Variants in ZFHX3 observed in about 807,000 individuals in gnomAD.
ZFHX3 encodes the protein zinc finger homeobox protein 3.
A neutral mutation model predicts 279.1 loss-of-function variants in ZFHX3; 42 were observed. The ratio of observed to expected loss-of-function variants is 0.15; its 90% CI spans 0.12 to 0.19. The LOEUF is 0.19. Ranked by LOEUF, ZFHX3 falls within the 10% of genes least tolerant of loss-of-function variation. ZFHX3 has a pLI of 1.00. For synonymous variants in ZFHX3, 2,293 were observed against 1,957.8 expected, an observed-to-expected ratio of 1.17 and a Z score of -4.52; for missense variants, 4,981 against 4,754.0, an observed-to-expected ratio of 1.05 and a Z score of -1.40.
At chr16:73,495,408 G>A (rs2019126048) in intron 2 of ZFHX3, among the ~76,000 whole-genome samples, 1 of 152,146 alleles carries the variant, frequency 6.6e-6, no homozygotes, top group Non-Finnish European at 1.5e-5. Context: ...AGAAATTGGT[G>A]CACATGAAAT....
chr16:73,199,985 C>T (rs761110734), intron 5 of ZFHX3, among the ~76,000 whole-genome samples: 30 of 152,150 alleles, frequency 2.0e-4, no homozygotes, highest in Admixed American at 3.9e-4. Context: ...TTAATCACCA[C>T]ACTAGTCAAT....
intron 1 of ZFHX3, among the ~76,000 whole-genome samples, chr16:72,960,796 G>A (rs1961541677): frequency 6.6e-6 from 1 of 152,108 alleles, no homozygotes. Flanking sequence ...AGGCGGGTGA[G>A]GACCCTGAGG....
intron 4 of ZFHX3, among the ~76,000 whole-genome samples, chr16:73,286,357 T>C (rs1254165608): frequency 2.0e-5 from 3 of 152,220 alleles, no homozygotes; most frequent in African/African-American, 7.2e-5. Context: ...CAGAACCCTA[T>C]AGATTGGGCG....
intron 1 of ZFHX3, among the ~76,000 whole-genome samples, chr16:72,999,466 A>G (rs1963414119): frequency 6.6e-6 from 1 of 152,170 alleles, no homozygotes; most frequent in African/African-American, 2.4e-5. Context: ...TACCTGGAAA[A>G]TCTTAAGGCA....
At chr16:73,586,379 ACT>A (rs1318218621) in intron 2 of ZFHX3, among the ~76,000 whole-genome samples, 1 of 145,986 alleles carries the variant, frequency 6.8e-6, no homozygotes, top group Non-Finnish European at 1.5e-5. Flanking sequence ...ACACAGCAAG[ACT>A]CTATCTCAAA....
chr16:72,860,590 C>T (rs1182018234), intron 4 of ZFHX3, among the ~76,000 whole-genome samples: 1 of 152,148 alleles, frequency 6.6e-6, no homozygotes, highest in Non-Finnish European at 1.5e-5. Flanking sequence ...ACCACCACGC[C>T]TGGCTAATTT....
chr16:73,603,539 A>G (rs568725767), intron 2 of ZFHX3, among the ~76,000 whole-genome samples: 5 of 152,076 alleles, frequency 3.3e-5, no homozygotes, highest in Non-Finnish European at 7.4e-5. Context: ...TAAGTTGACA[A>G]AAACTTTCTA....
At chr16:73,055,847 TACACACACAC>T (rs10672414) in intron 1 of ZFHX3, among the ~76,000 whole-genome samples, 3 of 138,628 alleles carry the variant, frequency 2.2e-5, no homozygotes, top group Non-Finnish European at 1.6e-5. Flanking sequence ...CCTACAACTC[TACACACACAC>T]ACACACACAC....
chr16:73,154,412 G>A (rs549529506), intron 5 of ZFHX3, among the ~76,000 whole-genome samples: 1 of 152,232 alleles, frequency 6.6e-6, no homozygotes, highest in East Asian at 1.9e-4. Context: ...GGGCACAGGC[G>A]GCCACTGGAC....
intron 1 of ZFHX3, among the ~76,000 whole-genome samples, chr16:73,843,281 C>T (rs190549989): frequency 6.6e-6 from 1 of 152,316 alleles, no homozygotes; most frequent in East Asian, 1.9e-4. Context: ...AAGACAATGC[C>T]TAGGCTCCTT....
chr16:73,137,900 G>T (rs898440512), intron 6 of ZFHX3, among the ~76,000 whole-genome samples: 1 of 152,070 alleles, frequency 6.6e-6, no homozygotes. Context: ...TGGGGTATTG[G>T]GGGGTGGGGG....
chr16:73,648,406 G>A (rs961012359), intron 2 of ZFHX3, among the ~76,000 whole-genome samples: 29 of 151,928 alleles, frequency 1.9e-4, no homozygotes, highest in Admixed American at 1.8e-3. Flanking sequence ...TTTTTTTTCT[G>A]AGATAGAGTT....
Position 72,950,733 on chromosome 16 carries a change from G to A in ZFHX3, c.2952C>T (p.Tyr984=). 1 of 1,614,202 alleles carries A rather than the reference G, an allele frequency of 6.2e-7. No individual in the cohort carries two copies. The highest frequency in any genetic ancestry group is 1.1e-5 in the South Asian group (1 of 91,076). The change falls in exon 3 of 10, where the codon TAC becomes TAT. Residue 984 remains tyrosine, a synonymous_variant. Coordinates refer to ENST00000268489, the MANE Select transcript of ZFHX3 (RefSeq NM_006885.4). ...DEWKAVMGDS[Y]QCKLCRYNTQ... Reference sequence around the variant, plus strand: ...TGTTGTAGCGGCAGAGCTTGCACTGGTATGAGTCCCCCATCACCGCCTTCC... The same window carrying A: ...TGTTGTAGCGGCAGAGCTTGCACTGATATGAGTCCCCCATCACCGCCTTCC...
chr16:73,882,747 C>A (rs2030211974), intron 1 of ZFHX3, among the ~76,000 whole-genome samples: 2 of 152,096 alleles, frequency 1.3e-5, no homozygotes, highest in African/African-American at 4.8e-5. Context: ...AATGGACAGA[C>A]CTTTTTTTTA....
Position 72,793,610 on chromosome 16 carries a change from T to G in ZFHX3, c.9072A>C (p.Thr3024=). ...INQTSYEGPK[T]ECTLCGIKYS... ...ACTTGATGCCACACAAAGTGCACTC[T>G]GTTTTGGGTCCCTCATAACTCGTTT... Residue 3024 remains threonine (T), a synonymous_variant, in exon 9 of 10, where the codon ACA becomes ACC. Transcript: ENST00000268489. The surrounding 1 kb of genome is among the most constrained non-coding windows in gnomAD (Gnocchi z 4.3). The G allele has an allele frequency of 6.2e-7, 1 of 1,614,222 alleles. No homozygotes were observed. The highest frequency in any genetic ancestry group is 8.5e-7 in the Non-Finnish European group (1 of 1,180,042).
At chr16:73,218,314 A>G (rs2012286186) in intron 5 of ZFHX3, among the ~76,000 whole-genome samples, 1 of 152,192 alleles carries the variant, frequency 6.6e-6, no homozygotes, top group African/African-American at 2.4e-5. Flanking sequence ...AAATCTCATA[A>G]CAGAGATGCG....
chr16:73,642,756 C>T (rs2142157564), intron 2 of ZFHX3, among the ~76,000 whole-genome samples: 1 of 152,226 alleles, frequency 6.6e-6, no homozygotes, highest in African/African-American at 2.4e-5. Flanking sequence ...TTTTTCCTTC[C>T]TGACAAACGG....
intron 2 of ZFHX3, among the ~76,000 whole-genome samples, chr16:73,518,763 T>A (rs1277302748): frequency 6.6e-6 from 1 of 152,212 alleles, no homozygotes; most frequent in South Asian, 2.1e-4. Flanking sequence ...CGTTCTGCCG[T>A]ATTGCCTGCA....
chr16:73,806,042 AG>A (rs1960267707), intron 1 of ZFHX3, among the ~76,000 whole-genome samples: 1 of 152,246 alleles, frequency 6.6e-6, no homozygotes, highest in South Asian at 2.1e-4. Context: ...TCATGGCGAA[AG>A]GCATCTCTTC....
Sources: gnomAD v4.1 joint callset for allele counts (sites outside exome capture counted in the v4.1 genomes callset) on GRCh38, gnomAD v4.1.1 for gene constraint, Gnocchi (gnomAD v3.1) non-coding constraint, MANE v1.5 for transcripts, NCBI Gene and HGNC (gene_info 2026-07-23, HGNC 2026-07-21) for gene names.